CCDC6: variants seen among roughly 807,000 people sequenced by gnomAD.
CCDC6 encodes the protein coiled-coil domain containing 6, also known as coiled-coil domain-containing protein 6.
A neutral mutation model predicts 56.6 loss-of-function variants in CCDC6; 20 were observed. That is an observed-to-expected ratio of 0.35 (90% CI 0.25 to 0.51). The LOEUF (loss-of-function observed/expected upper bound fraction) is 0.51. Ranked by LOEUF, CCDC6 falls within the 20% of genes least tolerant of loss-of-function variation. The pLI is 0.95. For missense variants in CCDC6, 367 were observed against 601.1 expected (o/e 0.61, Z 4.07); for synonymous variants, 241 against 234.4 (o/e 1.03, Z -0.26).
At chr10:59,822,382 A>G (rs1027354847) in intron 3 of CCDC6, among the ~76,000 whole-genome samples, 1 of 132,238 alleles carries the variant, frequency 7.6e-6, no homozygotes, top group Non-Finnish European at 1.8e-5. Flanking sequence ...TCACTTTAAC[A>G]TCAACATAAT....
At chr10:59,852,798 G>T in intron 1 of CCDC6, 96 bp from the exon 2 acceptor site, 2 of 1,035,276 alleles carry the variant, frequency 1.9e-6, no homozygotes, top group Non-Finnish European at 2.6e-6. Flanking sequence ...TCCAGAAAGG[G>T]TACCCATTTT....
At chr10:59,854,224 T>G (rs2132657562) in intron 1 of CCDC6, among the ~76,000 whole-genome samples, 1 of 152,242 alleles carries the variant, frequency 6.6e-6, no homozygotes, top group Non-Finnish European at 1.5e-5. Context: ...CAGTTTCGAT[T>G]TCTGTATATA....
At chr10:59,867,541 T>C (rs893687253) in intron 1 of CCDC6, among the ~76,000 whole-genome samples, 2 of 152,194 alleles carry the variant, frequency 1.3e-5, no homozygotes, top group African/African-American at 4.8e-5. Flanking sequence ...GATAACTTTT[T>C]CAACCAATTG....
At chr10:59,810,866 G>A (rs961023804) in intron 5 of CCDC6, among the ~76,000 whole-genome samples, 1 of 152,050 alleles carries the variant, frequency 6.6e-6, no homozygotes, top group African/African-American at 2.4e-5. Context: ...GCTTGAGATG[G>A]GTAGATTATC....
chr10:59,842,248 T>C (rs560659441), intron 2 of CCDC6, among the ~76,000 whole-genome samples: 80 of 151,980 alleles, frequency 5.3e-4, no homozygotes, highest in African/African-American at 1.8e-3. Context: ...GGTTTTACCA[T>C]GCTGGTCAGG....
At chr10:59,885,910 ACCCCGC>A (rs1385563902) in intron 1 of CCDC6, among the ~76,000 whole-genome samples, 1 of 49,018 alleles carries the variant, frequency 2.0e-5, no homozygotes, top group Admixed American at 2.5e-4. Flanking sequence ...TCTATTTCCA[ACCCCGC>A]CCCCCGCCCC....
chr10:59,801,649 T>C (rs1263168783), intron 7 of CCDC6, among the ~76,000 whole-genome samples: 1 of 152,210 alleles, frequency 6.6e-6, no homozygotes, highest in Non-Finnish European at 1.5e-5. Flanking sequence ...GTATATTATC[T>C]GGAATTCTCT....
intron 2 of CCDC6, among the ~76,000 whole-genome samples, chr10:59,840,337 C>CTA (rs2070926914): frequency 6.6e-6 from 1 of 152,124 alleles, no homozygotes; most frequent in African/African-American, 2.4e-5. Context: ...TATTAGTAGT[C>CTA]TGTTTAAATC....
chr10:59,882,483 A>G (rs2071349166), intron 1 of CCDC6, among the ~76,000 whole-genome samples: 1 of 70,710 alleles, frequency 1.4e-5, no homozygotes, highest in Non-Finnish European at 3.1e-5. Context: ...CAGGGGGAGA[A>G]GGAAAGGAAA....
intron 1 of CCDC6, among the ~76,000 whole-genome samples, chr10:59,865,189 T>C (rs1262136650): frequency 4.6e-5 from 7 of 152,276 alleles, no homozygotes; most frequent in Admixed American, 1.3e-4. Flanking sequence ...CCAGGGGCAA[T>C]GACTAACACC....
intron 1 of CCDC6, among the ~76,000 whole-genome samples, chr10:59,889,956 G>A (rs2071409194): frequency 6.6e-6 from 1 of 152,168 alleles, no homozygotes; most frequent in Admixed American, 6.5e-5. Context: ...ACCAATCTCT[G>A]AATTACATTC....
At chr10:59,871,753 T>C (rs1396527215) in intron 1 of CCDC6, among the ~76,000 whole-genome samples, 2 of 152,164 alleles carry the variant, frequency 1.3e-5, no homozygotes. Context: ...AAGTCCTTTA[T>C]GGCACAGCAC....
At chr10:59,804,727 T>C (rs2070606167) in intron 6 of CCDC6, 4 of 505,714 alleles carry the variant, frequency 7.9e-6, no homozygotes, top group Non-Finnish European at 1.1e-5. Context: ...GGGTCACCAG[T>C]TGGGAGACCT....
intron 2 of CCDC6, among the ~76,000 whole-genome samples, chr10:59,848,314 G>A (rs2071011090): frequency 6.6e-6 from 1 of 152,116 alleles, no homozygotes; most frequent in African/African-American, 2.4e-5. Flanking sequence ...TGGAAGTTTG[G>A]TGATGTTTTC....
chr10:59,874,318 C>G (rs907776682), intron 1 of CCDC6, among the ~76,000 whole-genome samples: 1 of 152,154 alleles, frequency 6.6e-6, no homozygotes, highest in Non-Finnish European at 1.5e-5. Context: ...TCCTATCCAA[C>G]CAAGACTAGA....
At chr10:59,890,768 C>T (rs1242851250) in intron 1 of CCDC6, among the ~76,000 whole-genome samples, 1 of 151,752 alleles carries the variant, frequency 6.6e-6, no homozygotes, top group Non-Finnish European at 1.5e-5. Context: ...TTCTAGGGTA[C>T]ATGTGCACAA....
At chr10:59,825,079 A>C (rs578131450) in intron 3 of CCDC6, among the ~76,000 whole-genome samples, 40 of 152,328 alleles carry the variant, frequency 2.6e-4, no homozygotes, top group African/African-American at 9.4e-4. Context: ...GCATGAATGG[A>C]ATTCTAAACA....
At chr10:59,814,208 G>A (rs1435774802) in intron 4 of CCDC6, among the ~76,000 whole-genome samples, 1 of 152,088 alleles carries the variant, frequency 6.6e-6, no homozygotes, top group Non-Finnish European at 1.5e-5. Flanking sequence ...TTTACAGTAG[G>A]TTTTAAAACA....
intron 1 of CCDC6, among the ~76,000 whole-genome samples, chr10:59,871,393 C>T (rs181256619): frequency 6.8e-6 from 1 of 147,856 alleles, no homozygotes; most frequent in African/African-American, 2.5e-5. Context: ...ACACAAATCT[C>T]GGAGGGACTG....
Sources: allele counts gnomAD v4.1 joint callset (sites outside exome capture counted in the v4.1 genomes callset), GRCh38; gene constraint gnomAD v4.1.1; transcripts MANE v1.5; gene names NCBI Gene and HGNC (gene_info 2026-07-23, HGNC 2026-07-21).